Variants in FAM184B observed in about 807,000 individuals in gnomAD.
FAM184B encodes the protein family with sequence similarity 184 member B.
Under a neutral mutation model 135.9 loss-of-function variants are expected in FAM184B, and 111 were observed. The observed-to-expected ratio is 0.82, with a 90% CI of 0.70 to 0.96. The LOEUF (loss-of-function observed/expected upper bound fraction) is 0.96. FAM184B is among the 40% of genes least tolerant of loss of function. The pLI is 0.00. For synonymous variants in FAM184B, 552 were observed against 524.8 expected (o/e 1.05, Z -0.71); for missense variants, 1,375 against 1,323.9 (o/e 1.04, Z -0.60).
At chr4:17,748,604 C>T (rs1025387910) in intron 1 of FAM184B, among the ~76,000 whole-genome samples, 1 of 139,904 alleles carries the variant, frequency 7.1e-6, no homozygotes, top group Non-Finnish European at 1.6e-5. Flanking sequence ...GTAGCCTTGA[C>T]CTCTGGGGCT....
intron 7 of FAM184B, among the ~76,000 whole-genome samples, chr4:17,682,433 T>C (rs1716464428): frequency 6.6e-6 from 1 of 152,172 alleles, no homozygotes; most frequent in African/African-American, 2.4e-5. Flanking sequence ...GTGGAAAGCC[T>C]GATCTCAGTT....
chr4:17,672,707 C>T (rs530789193), intron 7 of FAM184B, among the ~76,000 whole-genome samples: 39 of 152,152 alleles, frequency 2.6e-4, no homozygotes, highest in African/African-American at 8.7e-4. Context: ...TTAAACCATC[C>T]CTGCACCCCT....
At chr4:17,735,381 A>T (rs1484666897) in intron 1 of FAM184B, among the ~76,000 whole-genome samples, 1 of 152,160 alleles carries the variant, frequency 6.6e-6, no homozygotes, top group Non-Finnish European at 1.5e-5. Context: ...TTATAAAAAA[A>T]ATTTTCATTT....
intron 7 of FAM184B, among the ~76,000 whole-genome samples, chr4:17,675,452 C>T (rs920238238): frequency 6.6e-6 from 1 of 151,990 alleles, no homozygotes; most frequent in African/African-American, 2.4e-5. Context: ...GAGTAGACTT[C>T]ACACAATTCT....
chr4:17,693,317 C>A lies in FAM184B; in HGVS notation c.1473G>T (p.Gln491His). The A allele has an allele frequency of 6.4e-7, 1 of 1,551,510 alleles. No individual in the cohort carries two copies. The highest frequency in any genetic ancestry group is 8.7e-7 in the Non-Finnish European group (1 of 1,146,842). The change falls in exon 6 of 18, where the codon CAG becomes CAT. Residue 491 changes from glutamine to histidine, a missense_variant. By Grantham distance (24) the Gln-to-His change is conservative. Transcript: ENST00000265018. ...CAGGGCTCACCTCAAGCAGAGAATT[C>A]TGAAGCTTCACATTGAGGGCTGCTT... ...EEKAALNVKLQNSLLEVLRLE... is the reference protein window; with the variant it reads ...EEKAALNVKLHNSLLEVLRLE...
chr4:17,756,122 A>G (rs554704739), intron 1 of FAM184B, among the ~76,000 whole-genome samples: 27 of 152,326 alleles, frequency 1.8e-4, no homozygotes, highest in Non-Finnish European at 3.1e-4. Context: ...CCTTCAGTGT[A>G]TAAATTGGGG....
intron 1 of FAM184B, among the ~76,000 whole-genome samples, chr4:17,770,872 T>G (rs1056686631): frequency 6.6e-6 from 1 of 152,198 alleles, no homozygotes; most frequent in African/African-American, 2.4e-5. Context: ...ACCCAAAAAG[T>G]GTACAATTCA....
chr4:17,648,608 C>T (rs151176199), intron 11 of FAM184B, among the ~76,000 whole-genome samples: 270 of 152,176 alleles, frequency 1.8e-3, no homozygotes, highest in Non-Finnish European at 3.1e-3. Flanking sequence ...CCCACATTAG[C>T]CTCCCAAAGT....
In FAM184B at chr4:17,749,903, T is replaced by C. The variant is rs572615611; in HGVS notation, c.141+31256A>G. ...ATTTCGTCACTTTTAGTATTTACCG[T>C]TATAATGTAAGTGTCTTTTTCCTTC... On this transcript the variant is annotated intron_variant, in intron 1 of 17. Coordinates refer to ENST00000265018, the MANE Select transcript of FAM184B (RefSeq NM_015688.2). Among the ~76,000 whole-genome samples, 3 of 139,276 alleles carry C rather than the reference T, an allele frequency of 2.2e-5. No homozygotes were observed. In the South Asian group the frequency reaches 7.2e-4, roughly 33 times the overall value. 91.4% of individuals were successfully genotyped at this position (139,276 alleles called of 152,430 possible). A position where few individuals can be genotyped will look rare whatever the true frequency, so the allele number is the denominator to read the frequency against.
chr4:17,714,571 T>A (rs1318101835), intron 1 of FAM184B, among the ~76,000 whole-genome samples: 1 of 152,136 alleles, frequency 6.6e-6, no homozygotes, highest in Non-Finnish European at 1.5e-5. Flanking sequence ...TGTAACAGCA[T>A]CTATTAGTAC....
chr4:17,637,099 T>C (rs141965054), intron 14 of FAM184B, among the ~76,000 whole-genome samples: 1 of 152,092 alleles, frequency 6.6e-6, no homozygotes, highest in African/African-American at 2.4e-5. Flanking sequence ...CGGTCTCGGC[T>C]CTCTGCAACC....
intron 1 of FAM184B, among the ~76,000 whole-genome samples, chr4:17,738,376 C>G (rs1717954811): frequency 6.6e-6 from 1 of 151,932 alleles, no homozygotes; most frequent in African/African-American, 2.4e-5. Flanking sequence ...AGATATCTGC[C>G]TAACAGCAAC....
In FAM184B at chr4:17,737,369, C is replaced by CT. The variant is rs981928165; in HGVS notation, c.142-27726dup. 8.5e-3 allele frequency among the ~76,000 whole-genome samples: 1,222 copies of CT among 143,772 alleles called. 15 individuals are homozygous for CT. The highest frequency in any genetic ancestry group is 0.025 in the African/African-American group (975 of 39,364). The allele number at this position is 143,772 out of a possible 152,430, so 94.3% of individuals were successfully genotyped here. ...GTTCCATGATTTTCAGAACAGTGTT[C>CT]TTTTTTTTTTTTCTAAATTGAGTCT... On this transcript the variant is annotated intron_variant, in intron 1 of 17. Coordinates refer to ENST00000265018, the MANE Select transcript of FAM184B (RefSeq NM_015688.2).
chr4:17,723,530 C>T (rs1312270601), intron 1 of FAM184B, among the ~76,000 whole-genome samples: 4 of 152,178 alleles, frequency 2.6e-5, no homozygotes. Flanking sequence ...AGATGCTGCT[C>T]ACTTAACCTG....
intron 6 of FAM184B, among the ~76,000 whole-genome samples, chr4:17,692,962 A>G (rs1716768542): frequency 6.6e-6 from 1 of 152,046 alleles, no homozygotes; most frequent in Non-Finnish European, 1.5e-5. Context: ...AGGGCCTAGA[A>G]AGGCAAAATT....
intron 12 of FAM184B, among the ~76,000 whole-genome samples, chr4:17,644,270 G>C (rs1330124896): frequency 6.6e-6 from 1 of 152,176 alleles, no homozygotes; most frequent in African/African-American, 2.4e-5. Context: ...AAGCCTGGCA[G>C]AGACACAACA....
intron 1 of FAM184B, among the ~76,000 whole-genome samples, chr4:17,747,226 G>A (rs1718186371): frequency 6.6e-6 from 1 of 151,966 alleles, no homozygotes; most frequent in Non-Finnish European, 1.5e-5. Flanking sequence ...CATTTCAGCA[G>A]GTAATAAAGA....
chr4:17,699,879 T>C (rs148741023), intron 5 of FAM184B, among the ~76,000 whole-genome samples: 2 of 152,192 alleles, frequency 1.3e-5, no homozygotes, highest in Non-Finnish European at 2.9e-5. Context: ...TTACAGCACG[T>C]GTAAAATAAA....
intron 10 of FAM184B, among the ~76,000 whole-genome samples, chr4:17,654,952 A>G (rs6819997): frequency 0.039 from 6,002 of 152,204 alleles, 385 homozygotes; most frequent in African/African-American, 0.14. Context: ...CCTGGGCCCA[A>G]GTCATCCTCC....
Sources: gnomAD v4.1 joint callset for allele counts (sites outside exome capture counted in the v4.1 genomes callset) on GRCh38, gnomAD v4.1.1 for gene constraint, MANE v1.5 for transcripts, NCBI Gene and HGNC (gene_info 2026-07-23, HGNC 2026-07-21) for gene names.